Variants in WASF2 observed in about 807,000 individuals in gnomAD.
WASF2 encodes WASP family member 2.
A neutral mutation model predicts 45.0 loss-of-function variants in WASF2; 14 were observed. That is an observed-to-expected ratio of 0.31 (90% CI 0.21 to 0.49). The LOEUF is 0.49. WASF2 is among the 20% of genes least tolerant of loss of function. The pLI is 0.99. For missense variants in WASF2, 439 were observed against 636.1 expected (o/e 0.69, Z 3.33); for synonymous variants, 200 against 236.3 (o/e 0.85, Z 1.41).
chr1:27,441,753 C>CAAAAA (rs35347075), intron 1 of WASF2, among the ~76,000 whole-genome samples: 2 of 51,714 alleles, frequency 3.9e-5, no homozygotes, highest in African/African-American at 9.5e-5. Flanking sequence ...GACTCCGTCT[C>CAAAAA]AAAAAAAAAA....
At chr1:27,443,032 C>T (rs967044317) in intron 1 of WASF2, among the ~76,000 whole-genome samples, 6 of 149,674 alleles carry the variant, frequency 4.0e-5, no homozygotes, top group Non-Finnish European at 5.9e-5. Flanking sequence ...GGCACGGTGC[C>T]GAAAACCTGT....
At chr1:27,437,484 A>C (rs2017152553) in intron 1 of WASF2, among the ~76,000 whole-genome samples, 1 of 152,220 alleles carries the variant, frequency 6.6e-6, no homozygotes, top group Non-Finnish European at 1.5e-5. Flanking sequence ...CTGAGCTCTG[A>C]GGAAAAGATT....
chr1:27,419,118 G>A (rs780095227), intron 2 of WASF2, 30 bp from the exon 3 acceptor site: 2 of 1,609,004 alleles, frequency 1.2e-6, no homozygotes, highest in Non-Finnish European at 1.7e-6. Context: ...CAAGTCACTA[G>A]TGCATAGAAG....
chr1:27,479,790 G>A (rs1207374752), intron 1 of WASF2, among the ~76,000 whole-genome samples: 1 of 152,176 alleles, frequency 6.6e-6, no homozygotes, highest in East Asian at 1.9e-4. Flanking sequence ...ACTGGAACCA[G>A]GGAGGCAGAA....
In WASF2 at chr1:27,484,769, G is replaced by C. The variant is rs189426738; in HGVS notation, c.-44+5217C>G. ...GGAGGTTGCAGTTAGCCGAGATCAC[G>C]CCACTGCACTCCAGCCTGGATGACA... On this transcript the variant is annotated intron_variant, in intron 1 of 8. Transcript: ENST00000618852. Among the ~76,000 whole-genome samples the C allele has an allele frequency of 2.6e-4, 39 of 147,868 alleles. No individual in the cohort carries two copies. In the East Asian group the frequency reaches 7.7e-3, roughly 29 times the overall value.
chr1:27,455,767 TGAAGCTA>T (rs1343442366), intron 1 of WASF2, among the ~76,000 whole-genome samples: 17 of 152,214 alleles, frequency 1.1e-4, no homozygotes, highest in African/African-American at 3.6e-4. Flanking sequence ...ATTGCTTCCA[TGAAGCTA>T]TCCTGACCCC....
At chr1:27,416,225 G>C (rs542031830) in intron 4 of WASF2, 123 bp from the exon 5 acceptor site, 1 of 783,780 alleles carries the variant, frequency 1.3e-6, no homozygotes, top group East Asian at 2.5e-5. Context: ...CATTTGAATC[G>C]ATTGCATACC....
intron 1 of WASF2, among the ~76,000 whole-genome samples, chr1:27,463,427 C>G (rs939311353): frequency 6.6e-6 from 1 of 151,632 alleles, no homozygotes; most frequent in Admixed American, 6.6e-5. Flanking sequence ...AAATCGAGAC[C>G]ATCCTGGCTA....
intron 4 of WASF2, among the ~76,000 whole-genome samples, chr1:27,417,932 G>T (rs150370780): frequency 6.6e-6 from 1 of 151,796 alleles, no homozygotes; most frequent in African/African-American, 2.4e-5. Flanking sequence ...GGACCGCCTT[G>T]TAACAAAGTC....
intron 1 of WASF2, among the ~76,000 whole-genome samples, chr1:27,454,187 A>ATATATATTT (rs1469446976): frequency 5.5e-4 from 7 of 12,770 alleles, no homozygotes; most frequent in South Asian, 3.9e-3. Flanking sequence ...ATATATATAT[A>ATATATATTT]TTTTTTTTTT....
At chr1:27,453,437 CA>C in intron 1 of WASF2, among the ~76,000 whole-genome samples, 1 of 151,214 alleles carries the variant, frequency 6.6e-6, no homozygotes, top group Non-Finnish European at 1.5e-5. Flanking sequence ...ACTAAAAATA[CA>C]AAAATTAGCC....
At chr1:27,471,262 G>A (rs924473252) in intron 1 of WASF2, among the ~76,000 whole-genome samples, 2 of 149,036 alleles carry the variant, frequency 1.3e-5, no homozygotes, top group Non-Finnish European at 3.0e-5. Context: ...GGAGAATGGC[G>A]TGAACCCGGG....
intron 2 of WASF2, 37 bp downstream of exon 2, chr1:27,428,724 C>T (rs1265069483): frequency 5.6e-6 from 9 of 1,613,836 alleles, no homozygotes; most frequent in Non-Finnish European, 7.6e-6. Context: ...CACCAACGAC[C>T]CCTGAGGGCA....
chr1:27,454,406 G>A (rs1157654580), intron 1 of WASF2, among the ~76,000 whole-genome samples: 1 of 150,292 alleles, frequency 6.7e-6, no homozygotes, highest in Non-Finnish European at 1.5e-5. Context: ...GTGAAGTGCA[G>A]TGGTGCAATT....
At chr1:27,446,322 A>G (rs2017309422) in intron 1 of WASF2, among the ~76,000 whole-genome samples, 2 of 152,184 alleles carry the variant, frequency 1.3e-5, no homozygotes, top group Admixed American at 1.3e-4. Flanking sequence ...GACCGCAAAG[A>G]GGGGCAATTA....
At chr1:27,418,144 C>A in intron 4 of WASF2, 125 bp downstream of exon 4, 1 of 1,138,590 alleles carries the variant, frequency 8.8e-7, no homozygotes, top group South Asian at 1.8e-5. Context: ...GAAACTACCA[C>A]AACTTTGGGG....
intron 1 of WASF2, among the ~76,000 whole-genome samples, chr1:27,461,998 G>C (rs1477845174): frequency 1.5e-5 from 2 of 131,776 alleles, no homozygotes; most frequent in African/African-American, 5.9e-5. Context: ...TTTTTTTTGA[G>C]ATGGAGTCTC....
chr1:27,457,909 C>T (rs1301846021), intron 1 of WASF2, among the ~76,000 whole-genome samples: 2 of 152,072 alleles, frequency 1.3e-5, no homozygotes, highest in African/African-American at 4.8e-5. Flanking sequence ...AGGCATAAGC[C>T]ACCACACCCA....
At chr1:27,471,903 C>T (rs887691164) in intron 1 of WASF2, among the ~76,000 whole-genome samples, 3 of 152,216 alleles carry the variant, frequency 2.0e-5, no homozygotes, top group African/African-American at 7.2e-5. Flanking sequence ...TTCTCTCCAT[C>T]TCTTTAGCGA....
Sources: gnomAD v4.1 joint callset for allele counts (sites outside exome capture counted in the v4.1 genomes callset) on GRCh38, gnomAD v4.1.1 for gene constraint, MANE v1.5 for transcripts, NCBI Gene and HGNC (gene_info 2026-07-23, HGNC 2026-07-21) for gene names.